KANSL1: variants seen among roughly 807,000 people sequenced by gnomAD.
KANSL1 encodes KAT8 regulatory NSL complex subunit 1.
KANSL1 carries 22 observed loss-of-function variants against 103.6 expected under a neutral mutation model. That is an observed-to-expected ratio of 0.21 (90% CI 0.15 to 0.30). KANSL1 has a LOEUF of 0.30. Ranked by LOEUF, KANSL1 falls within the 10% of genes least tolerant of loss-of-function variation. The pLI is 1.00. For synonymous variants in KANSL1, 600 were observed against 527.6 expected (o/e 1.14, Z -1.88); for missense variants, 1,337 against 1,399.8 (o/e 0.96, Z 0.72).
intron 1 of KANSL1, among the ~76,000 whole-genome samples, chr17:46,185,563 T>C (rs911172553): frequency 6.6e-6 from 1 of 152,024 alleles, no homozygotes; most frequent in Non-Finnish European, 1.5e-5. Context: ...TACTCAAAGA[T>C]GTATACACAA....
In KANSL1 at chr17:46,029,924, CTTTTTT is replaced by C. The variant is rs767830420; in HGVS notation, c.*1546_*1551del. 5 of 148,738 alleles carry C rather than the reference CTTTTTT, an allele frequency of 3.4e-5. No homozygotes were observed. The highest frequency in any genetic ancestry group is 7.5e-5 in the Non-Finnish European group (5 of 67,056). The allele number at this position is 148,738 out of a possible 1,614,324, so 9.2% of individuals were successfully genotyped here. The stretch of plus-strand genomic sequence containing the variant: ...AGGCCTGGTACACAGCATTCTGTAA[CTTTTTT>C]TTTTATTTTTTTCAATTTTTCCTTC... On this transcript the variant is annotated 3_prime_UTR_variant, in exon 15 of 15. Coordinates refer to ENST00000432791, the MANE Select transcript of KANSL1 (RefSeq NM_015443.4).
At chr17:46,069,285 G>A (rs1458419741) in intron 4 of KANSL1, among the ~76,000 whole-genome samples, 2 of 152,072 alleles carry the variant, frequency 1.3e-5, no homozygotes, top group African/African-American at 2.4e-5. Flanking sequence ...TCCTATAAAA[G>A]CTTTCAAGGT....
Position 46,170,965 on chromosome 17 carries a change from G to A in KANSL1, c.1179C>T (p.Cys393=), listed in dbSNP as rs1434703812. 3.7e-6 allele frequency: 6 copies of A among 1,614,166 alleles called. No individual in the cohort carries two copies. In the Admixed American group the frequency reaches 8.3e-5, roughly 22 times the overall value. The change falls in exon 2 of 15, where the codon TGC becomes TGT. Residue 393 remains cysteine, a synonymous_variant. Transcript: ENST00000432791. The part of the protein sequence containing the change: ...FTASGIANLR[C]SEQAFDSDVT... ...CATCTGAATCAAATGCCTGTTCACT[G>A]CACCTCAAGTTGGCTATGCCACTAG...
intron 3 of KANSL1, among the ~76,000 whole-genome samples, chr17:46,091,086 G>A (rs1425666420): frequency 6.6e-6 from 1 of 152,214 alleles, no homozygotes; most frequent in Non-Finnish European, 1.5e-5. Flanking sequence ...CGTGTGTGTT[G>A]TTGGCCCTGA....
At chr17:46,211,430 A>G (rs545850812) in intron 1 of KANSL1, among the ~76,000 whole-genome samples, 53 of 152,232 alleles carry the variant, frequency 3.5e-4, no homozygotes, top group Non-Finnish European at 6.9e-4. Context: ...ATGTTTTAAG[A>G]AAGTTTACAG....
intron 3 of KANSL1, among the ~76,000 whole-genome samples, chr17:46,083,559 A>T (rs932763463): frequency 2.0e-5 from 3 of 152,010 alleles, no homozygotes; most frequent in Admixed American, 6.6e-5. Flanking sequence ...GGGTACATGG[A>T]GGTGGGTGTC....
At chr17:46,161,589 C>A (rs2045747289) in intron 2 of KANSL1, among the ~76,000 whole-genome samples, 1 of 152,222 alleles carries the variant, frequency 6.6e-6, no homozygotes, top group South Asian at 2.1e-4. Context: ...ACCTGAGAAA[C>A]AAACCGGAAA....
intron 9 of KANSL1, 24 bp downstream of exon 9, chr17:46,039,003 G>C: frequency 6.3e-7 from 1 of 1,598,262 alleles, no homozygotes; most frequent in South Asian, 1.1e-5. Flanking sequence ...GTTGCAGGTA[G>C]AGGTGCCATG....
intron 2 of KANSL1, among the ~76,000 whole-genome samples, chr17:46,096,191 G>A (rs1430808257): frequency 6.7e-6 from 1 of 149,850 alleles, no homozygotes; most frequent in African/African-American, 2.5e-5. Context: ...ATTGAGGCTG[G>A]ATTGTGGTGG....
At chr17:46,158,970 C>T (rs1013158760) in intron 2 of KANSL1, among the ~76,000 whole-genome samples, 8 of 152,226 alleles carry the variant, frequency 5.3e-5, no homozygotes, top group Non-Finnish European at 1.2e-4. Context: ...CCACTCAGAA[C>T]CTTACGCTCA....
intron 1 of KANSL1, among the ~76,000 whole-genome samples, chr17:46,188,357 ATTG>A (rs2047130678): frequency 6.6e-6 from 1 of 152,258 alleles, no homozygotes; most frequent in South Asian, 2.1e-4. Flanking sequence ...CATATAAACT[ATTG>A]TTCTGCACAA....
intron 2 of KANSL1, among the ~76,000 whole-genome samples, chr17:46,122,797 T>C (rs1203099263): frequency 2.0e-5 from 3 of 152,230 alleles, no homozygotes; most frequent in Non-Finnish European, 2.9e-5. Flanking sequence ...GACACTGCCA[T>C]TGTAATTTCT....
chr17:46,219,714 A>G (rs1401994663), intron 1 of KANSL1, among the ~76,000 whole-genome samples: 5 of 152,266 alleles, frequency 3.3e-5, no homozygotes, highest in Non-Finnish European at 4.4e-5. Flanking sequence ...CTAGAAATAT[A>G]CATCTATAAA....
chr17:46,153,679 G>T (rs1238056105), intron 2 of KANSL1, among the ~76,000 whole-genome samples: 1 of 152,208 alleles, frequency 6.6e-6, no homozygotes, highest in Non-Finnish European at 1.5e-5. Context: ...TTATACACTA[G>T]ATTATCAAAC....
At chr17:46,219,637 A>T (rs1287786663) in intron 1 of KANSL1, among the ~76,000 whole-genome samples, 1 of 152,274 alleles carries the variant, frequency 6.6e-6, no homozygotes, top group Non-Finnish European at 1.5e-5. Flanking sequence ...AAGTGCTAGG[A>T]TTACAGGCGT....
At chr17:46,039,909 G>C in intron 7 of KANSL1, 25 bp from the exon 8 acceptor site, 2 of 1,612,000 alleles carry the variant, frequency 1.2e-6, no homozygotes, top group Non-Finnish European at 1.7e-6. Flanking sequence ...AAATGCTACA[G>C]GTTAGTCCAA....
intron 2 of KANSL1, among the ~76,000 whole-genome samples, chr17:46,135,695 C>CTTTT (rs35094789): frequency 9.5e-5 from 8 of 84,430 alleles, no homozygotes; most frequent in Admixed American, 2.7e-4. Flanking sequence ...CCATGCCTGG[C>CTTTT]TTTTTTTTTT....
At chr17:46,185,694 C>CACACATACACAT (rs2046995113) in intron 1 of KANSL1, among the ~76,000 whole-genome samples, 3 of 25,208 alleles carry the variant, frequency 1.2e-4, no homozygotes, top group Non-Finnish European at 3.2e-4. Context: ...CACATATATA[C>CACACATACACAT]ACACACACAC....
chr17:46,075,256 A>G (rs1367530238), intron 4 of KANSL1, among the ~76,000 whole-genome samples: 1 of 152,242 alleles, frequency 6.6e-6, no homozygotes, highest in African/African-American at 2.4e-5. Flanking sequence ...CGTGGTTCTG[A>G]TAATTAACGA....
Sources: gnomAD v4.1 joint callset for allele counts (sites outside exome capture counted in the v4.1 genomes callset) on GRCh38, gnomAD v4.1.1 for gene constraint, MANE v1.5 for transcripts, NCBI Gene and HGNC (gene_info 2026-07-23, HGNC 2026-07-21) for gene names.